Variants in SGSH observed in about 807,000 individuals in gnomAD.
SGSH encodes heparan sulfate sulfatase.
SGSH carries 48 observed loss-of-function variants against 51.0 expected under a neutral mutation model. The ratio of observed to expected loss-of-function variants is 0.94; its 90% CI spans 0.75 to 1.20. SGSH has a LOEUF of 1.20. Ranked by LOEUF, SGSH falls within the 50% of genes most tolerant of loss-of-function variation. SGSH has a pLI of 0.00. For missense variants in SGSH, 662 were observed against 717.8 expected (o/e 0.92, Z 0.89); for synonymous variants, 321 against 313.4 (o/e 1.02, Z -0.26).
intron 1 of SGSH, 64 bp downstream of exon 1, chr17:80,220,162 G>T: frequency 8.1e-7 from 1 of 1,230,634 alleles, no homozygotes; most frequent in Non-Finnish European, 1.1e-6. Flanking sequence ...GGGTGGGGAG[G>T]AGGCCAGTGG....
chr17:80,220,266 C>T lies in SGSH; in HGVS notation c.48G>A (p.Gly16=), dbSNP rs925785551. The change falls in exon 1 of 8, where the codon GGG becomes GGA. Residue 16 remains glycine (G), a synonymous_variant. Coordinates refer to ENST00000326317, the MANE Select transcript of SGSH (RefSeq NM_000199.5). The part of the protein sequence containing the change: ...PACCALLLVL[G]LCRARPRNAL... ...CGTTCCGGGGACGCGCCCGGCAGAG[C>T]CCCAGGACTAGCAGCAGCGCGCAGC... 1 of 1,522,794 alleles carries T rather than the reference C, an allele frequency of 6.6e-7. No individual in the cohort carries two copies. Among genetic ancestry groups the T allele is most frequent in the Non-Finnish European group, 8.8e-7 (1 of 1,141,914 alleles). The allele number at this position is 1,522,794 out of a possible 1,614,324, so 94.3% of individuals were successfully genotyped here.
chr17:80,205,274 C>T, downstream of SGSH: 3 of 1,268,600 alleles, frequency 2.4e-6, no homozygotes, highest in East Asian at 2.4e-5. Context: ...CTTCCTCCCT[C>T]CTTCCTCCCC....
downstream of SGSH, chr17:80,204,061 C>A (rs2041138536): frequency 1.2e-6 from 1 of 811,514 alleles, no homozygotes; most frequent in Non-Finnish European, 1.9e-6. Context: ...CCCTGCCCAG[C>A]CTGCAGGCTC....
At chr17:80,202,225 CG>C (rs758713305), downstream of SGSH, 2 of 1,613,842 alleles carry the variant, frequency 1.2e-6, no homozygotes, top group Non-Finnish European at 1.7e-6. Flanking sequence ...GTGGCGACCT[CG>C]GGGGACTCAT....
rs1410189204 is a variant in SGSH at position 80,213,162 on chromosome 17, C to A, written c.745+642G>T. 6.6e-6 allele frequency: 1 copy of A among 151,572 alleles called. No homozygotes were observed. Among genetic ancestry groups the A allele is most frequent in the Non-Finnish European group, 1.5e-5 (1 of 68,210 alleles). 9.4% of individuals were successfully genotyped at this position (151,572 alleles called of 1,614,324 possible). On this transcript the variant is annotated intron_variant, in intron 6 of 7. Transcript: ENST00000326317. This position sits in a 1 kb window ranked among gnomAD's most constrained non-coding sequence, Gnocchi z 4.6. The stretch of plus-strand genomic sequence containing the variant: ...TGAGCCGAGATTGCGCCACTGCACT[C>A]CCGCGTGGGTGACAGAGCAAGACTC...
Position 80,212,004 on chromosome 17 carries a change from G to A in SGSH, c.949+67C>T. 4 of 1,341,436 alleles carry A rather than the reference G, an allele frequency of 3.0e-6. No individual in the cohort carries two copies. Among genetic ancestry groups the A allele is most frequent in the Non-Finnish European group, 3.2e-6 (3 of 937,368 alleles). 83.1% of individuals were successfully genotyped at this position (1,341,436 alleles called of 1,614,324 possible). On this transcript the variant is annotated intron_variant, in intron 7 of 7. Coordinates refer to ENST00000326317, the MANE Select transcript of SGSH (RefSeq NM_000199.5). The surrounding 1 kb of genome is among the most constrained non-coding windows in gnomAD (Gnocchi z 5.9). ...AGGTAATGGGTGTGGAGCAGCATCT[G>A]ACAGGTCATGGCCCCGTCCCAGATC... is the stretch of plus-strand genomic sequence containing the variant.
At chr17:80,214,980 G>A in intron 3 of SGSH, 53 bp downstream of exon 3, 1 of 1,505,366 alleles carries the variant, frequency 6.6e-7, no homozygotes, top group Non-Finnish European at 9.1e-7. Flanking sequence ...CCTGGGCTCT[G>A]GCCTGGCCTC....
At position 80,211,876 on chromosome 17, in the gene SGSH, G is replaced by A. The variant is rs541156370; in HGVS notation, c.949+195C>T. On this transcript the variant is annotated intron_variant, in intron 7 of 7. Coordinates refer to ENST00000326317, the MANE Select transcript of SGSH (RefSeq NM_000199.5). Reference sequence around the variant, plus strand: ...TCCTAGCTTAGTGCTTACCAGCTGTGCAATCCTGAGCAGCTTACTTCACCT... The same window carrying A: ...TCCTAGCTTAGTGCTTACCAGCTGTACAATCCTGAGCAGCTTACTTCACCT... 4.0e-5 allele frequency: 25 copies of A among 627,456 alleles called. No individual in the cohort carries two copies. In the African/African-American group the frequency reaches 4.3e-4, roughly 11 times the overall value. 38.9% of individuals were successfully genotyped at this position (627,456 alleles called of 1,614,324 possible). A position where few individuals can be genotyped will look rare whatever the true frequency, so the allele number is the denominator to read the frequency against.
In SGSH at chr17:80,213,043, G is replaced by C. The variant is rs1383842444; in HGVS notation, c.745+761C>G. ...GTCTCTACTAAAAATATAAAAATTA[G>C]CTGGGCATGGTGGCGTGCGGTGCGA... On this transcript the variant is annotated intron_variant, in intron 6 of 7. Coordinates refer to ENST00000326317, the MANE Select transcript of SGSH (RefSeq NM_000199.5). This position sits in a 1 kb window ranked among gnomAD's most constrained non-coding sequence, Gnocchi z 4.6. 1 of 153,162 alleles carries C rather than the reference G, an allele frequency of 6.5e-6. No homozygotes were observed. The highest frequency in any genetic ancestry group is 2.4e-5 in the African/African-American group (1 of 41,400). The allele number at this position is 153,162 out of a possible 1,614,324, so 9.5% of individuals were successfully genotyped here.
At position 80,209,618 on chromosome 17, in the gene SGSH, T is replaced by C. The variant is rs1022741298; in HGVS notation, c.*834A>G. On this transcript the variant is annotated 3_prime_UTR_variant, in exon 8 of 8. Transcript: ENST00000326317. Reference sequence around the variant, plus strand: ...ATTAACCCAAGGCAGAGGATGGGCATTGCCACCCAGCAACGCCAGTGTCAC... The same window carrying C: ...ATTAACCCAAGGCAGAGGATGGGCACTGCCACCCAGCAACGCCAGTGTCAC... 7.4e-5 allele frequency: 69 copies of C among 931,960 alleles called. 3 individuals carry two copies. Among genetic ancestry groups the C allele is most frequent in the African/African-American group, 1.8e-4 (10 of 54,096 alleles). The allele number at this position is 931,960 out of a possible 1,614,324, so 57.7% of individuals were successfully genotyped here.
chr17:80,204,892 G>A, downstream of SGSH: 1 of 692,534 alleles, frequency 1.4e-6, no homozygotes, highest in Non-Finnish European at 2.3e-6. Context: ...AGTGAGTCCT[G>A]TGACCGCTGA....
chr17:80,208,372 G>A (rs1375377945), downstream of SGSH: 3 of 1,540,944 alleles, frequency 1.9e-6, no homozygotes, highest in Non-Finnish European at 2.6e-6. Flanking sequence ...CCGGGACTGT[G>A]GGGGCTTCTG....
chr17:80,205,207 T>A (rs746981190), downstream of SGSH: 11 of 1,609,194 alleles, frequency 6.8e-6, no homozygotes, highest in African/African-American at 1.5e-4. Context: ...GCCTGGCAGG[T>A]ATGCTGTTGC....
chr17:80,214,514 C>A, intron 4 of SGSH, 101 bp downstream of exon 4: 1 of 1,374,078 alleles, frequency 7.3e-7, no homozygotes. Context: ...TCCCCTGCCC[C>A]CATTCGAGCC....
the SGSH span, chr17:80,200,936 G>C: frequency 1.3e-5 from 2 of 152,586 alleles, no homozygotes; most frequent in East Asian, 3.9e-4. Context: ...GAGCTGACAG[G>C]AGGTGGAGCT....
chr17:80,208,008 T>C (rs2041435142), downstream of SGSH: 4 of 618,856 alleles, frequency 6.5e-6, no homozygotes, highest in Admixed American at 3.4e-5. Context: ...CTATTTTCTT[T>C]ACAAGGTCCC....
chr17:80,205,082 T>C, downstream of SGSH: 2 of 1,612,816 alleles, frequency 1.2e-6, no homozygotes, highest in East Asian at 2.2e-5. Context: ...CCTGGTGCCC[T>C]ATACCCTGGT....
intron 2 of SGSH, among the ~76,000 whole-genome samples, chr17:80,215,691 C>T (rs535074061): frequency 8.6e-5 from 13 of 151,984 alleles, no homozygotes; most frequent in East Asian, 3.9e-4. Context: ...TGGTGGCGGG[C>T]GCCTGTAGTC....
chr17:80,210,621 T>C lies in SGSH; in HGVS notation c.1340A>G (p.Glu447Gly). 6.2e-7 allele frequency: 1 copy of C among 1,613,678 alleles called. No individual in the cohort carries two copies. Among genetic ancestry groups the C allele is most frequent in the Non-Finnish European group, 8.5e-7 (1 of 1,179,944 alleles). The change falls in exon 8 of 8, where the codon GAG becomes GGG. Residue 447 changes from glutamate to glycine, a missense_variant. Glu to Gly is a moderately conservative substitution (Grantham distance 98). Coordinates refer to ENST00000326317, the MANE Select transcript of SGSH (RefSeq NM_000199.5). ...ELYDRSRDPH[E>G]TQNLATDPRF... ...CGGGTCGGTGGCCAGGTTCTGGGTC[T>C]CGTGGGGGTCCCGGCTCCGGTCGTA...
Sources: gnomAD v4.1 joint callset for allele counts (sites outside exome capture counted in the v4.1 genomes callset) on GRCh38, gnomAD v4.1.1 for gene constraint, Gnocchi (gnomAD v3.1) non-coding constraint, MANE v1.5 for transcripts, NCBI Gene and HGNC (gene_info 2026-07-23, HGNC 2026-07-21) for gene names.